LYPLAL1: variants seen among roughly 807,000 people sequenced by gnomAD.
LYPLAL1 encodes the protein lysophospholipase-like protein 1.
Under a neutral mutation model 19.7 loss-of-function variants are expected in LYPLAL1, and 23 were observed. The observed-to-expected ratio is 1.17, with a 90% confidence interval of 0.84 to 1.65. LYPLAL1 has a LOEUF of 1.65. Ranked by LOEUF, LYPLAL1 falls within the 40% of genes most tolerant of loss-of-function variation. The probability of loss-of-function intolerance (pLI) is 0.00; values close to 1 mark genes in which losing one functional copy is unlikely to be tolerated. For synonymous variants in LYPLAL1, 119 were observed against 96.3 expected, an observed-to-expected ratio of 1.24 and a Z score of -1.38; for missense variants, 355 against 279.4, an observed-to-expected ratio of 1.27 and a Z score of -1.93.
the LYPLAL1 span, among the ~76,000 whole-genome samples, chr1:219,433,340 T>C: frequency 1.3e-5 from 2 of 152,174 alleles, no homozygotes; most frequent in African/African-American, 4.8e-5. Context: ...AACATTGAAG[T>C]ATACATCTTT....
At position 219,211,617 on chromosome 1, in the gene LYPLAL1, G is replaced by T. The variant is rs746135927; in HGVS notation, c.603G>T (p.Thr201=). The T allele has an allele frequency of 1.9e-6, 3 of 1,613,374 alleles. No individual in the cohort carries two copies. The highest frequency in any genetic ancestry group is 1.7e-4 in the Middle Eastern group (1 of 6,054). ...NSMLKSLGVT[T]KFHSFPNVYH... is the part of the protein sequence containing the mutation. ...TGTTAAAATCTCTAGGAGTGACCAC[G>T]AAGTTTCATAGTTTTCCAAATGTTT... The change falls in exon 5 of 5, where the codon ACG becomes ACT. Residue 201 remains threonine (T), a synonymous_variant. Transcript: ENST00000366928.
the LYPLAL1 span, among the ~76,000 whole-genome samples, chr1:219,430,946 G>A: frequency 6.6e-6 from 1 of 151,342 alleles, no homozygotes; most frequent in Non-Finnish European, 1.5e-5. Flanking sequence ...CGAAGTGTGG[G>A]GATTACAGAC....
At chr1:219,343,826 T>C in the LYPLAL1 span, among the ~76,000 whole-genome samples, 1 of 152,002 alleles carries the variant, frequency 6.6e-6, no homozygotes, top group Non-Finnish European at 1.5e-5. Context: ...TCCTTCTCTC[T>C]GGACTTTGCC....
At chr1:219,420,844 C>T in the LYPLAL1 span, among the ~76,000 whole-genome samples, 1 of 152,104 alleles carries the variant, frequency 6.6e-6, no homozygotes, top group Admixed American at 6.6e-5. Context: ...TTCTAAGCTT[C>T]AGGGATTACT....
In LYPLAL1 at chr1:219,211,562, T is replaced by C. The variant is rs760367987; in HGVS notation, c.548T>C (p.Leu183Pro). ...QCHGTADELV[L>P]HSWAEETNSM... ...CATGGTACTGCAGATGAGTTAGTTC[T>C]TCATTCTTGGGCAGAAGAGACAAAC... The change falls in exon 5 of 5, where the codon CTT (leucine) becomes CCT (proline). Residue 183 changes from leucine to proline, a missense_variant. By Grantham distance (98) the Leu-to-Pro change is moderately conservative (BLOSUM62 -3). Transcript: ENST00000366928. The C allele has an allele frequency of 3.7e-6, 6 of 1,613,396 alleles. No homozygotes were observed. Among genetic ancestry groups the C allele is most frequent in the Non-Finnish European group, 1.7e-6 (2 of 1,179,488 alleles).
the LYPLAL1 span, among the ~76,000 whole-genome samples, chr1:219,237,601 T>G: frequency 6.6e-6 from 1 of 152,198 alleles, no homozygotes; most frequent in Non-Finnish European, 1.5e-5. Context: ...TAAAGAACTT[T>G]CTACTTTTCT....
chr1:219,277,065 A>G, the LYPLAL1 span, among the ~76,000 whole-genome samples: 1 of 152,222 alleles, frequency 6.6e-6, no homozygotes, highest in Non-Finnish European at 1.5e-5. Flanking sequence ...AGTAGATATC[A>G]GAGGTCTGGC....
chr1:219,383,172 C>A, the LYPLAL1 span, among the ~76,000 whole-genome samples: 155 of 152,292 alleles, frequency 1.0e-3, 1 homozygote, highest in African/African-American at 3.5e-3. Flanking sequence ...CTAGGAAAGT[C>A]TTGAATTACA....
the LYPLAL1 span, among the ~76,000 whole-genome samples, chr1:219,360,456 T>A: frequency 6.6e-6 from 1 of 152,176 alleles, no homozygotes; most frequent in Admixed American, 6.6e-5. Flanking sequence ...TTGACAAAGA[T>A]CTGCCTCCCA....
At chr1:219,284,019 T>C in the LYPLAL1 span, among the ~76,000 whole-genome samples, 3 of 152,296 alleles carry the variant, frequency 2.0e-5, no homozygotes, top group South Asian at 6.2e-4. Context: ...GATTGAATCA[T>C]GGGGATGGTT....
At chr1:219,387,053 A>G in the LYPLAL1 span, among the ~76,000 whole-genome samples, 11 of 152,200 alleles carry the variant, frequency 7.2e-5, no homozygotes, top group South Asian at 2.1e-4. Context: ...AAATTTCCAT[A>G]TTCTTTTTAT....
chr1:219,366,469 G>C, the LYPLAL1 span, among the ~76,000 whole-genome samples: 1 of 152,148 alleles, frequency 6.6e-6, no homozygotes, highest in African/African-American at 2.4e-5. Flanking sequence ...TGTATTCCTT[G>C]CTCGTGTGAC....
the LYPLAL1 span, among the ~76,000 whole-genome samples, chr1:219,352,708 G>T: frequency 6.6e-6 from 1 of 152,082 alleles, no homozygotes; most frequent in Non-Finnish European, 1.5e-5. Flanking sequence ...AATTTCTGCT[G>T]AACAATAAGC....
chr1:219,183,922 G>C (rs1656504484), intron 2 of LYPLAL1, among the ~76,000 whole-genome samples: 2 of 151,832 alleles, frequency 1.3e-5, no homozygotes, highest in South Asian at 4.1e-4. Context: ...AGCATAATTT[G>C]AATTCTTATC....
At chr1:219,251,548 G>T in the LYPLAL1 span, among the ~76,000 whole-genome samples, 2 of 116,278 alleles carry the variant, frequency 1.7e-5, no homozygotes, top group African/African-American at 2.9e-5. Flanking sequence ...TTTCCCCACT[G>T]ATTTTTTTTT....
At chr1:219,419,786 G>A in the LYPLAL1 span, among the ~76,000 whole-genome samples, 1 of 152,106 alleles carries the variant, frequency 6.6e-6, no homozygotes, top group East Asian at 1.9e-4. Flanking sequence ...ACCAACAATA[G>A]CAGATTAAGG....
the LYPLAL1 span, among the ~76,000 whole-genome samples, chr1:219,375,129 A>G: frequency 6.6e-6 from 1 of 152,210 alleles, no homozygotes; most frequent in African/African-American, 2.4e-5. Context: ...GAAGGGACAA[A>G]GCACAGGGAA....
At chr1:219,275,444 A>G in the LYPLAL1 span, among the ~76,000 whole-genome samples, 1 of 152,128 alleles carries the variant, frequency 6.6e-6, no homozygotes, top group East Asian at 1.9e-4. Context: ...AGACATTCAT[A>G]ATTTTCTATA....
At chr1:219,435,991 T>C in the LYPLAL1 span, among the ~76,000 whole-genome samples, 1 of 152,172 alleles carries the variant, frequency 6.6e-6, no homozygotes, top group Non-Finnish European at 1.5e-5. Context: ...CCAATCCTTG[T>C]CTATACTCCT....
Sources: gnomAD v4.1 joint callset for allele counts (sites outside exome capture counted in the v4.1 genomes callset) on GRCh38, gnomAD v4.1.1 for gene constraint, MANE v1.5 for transcripts, NCBI Gene and HGNC (gene_info 2026-07-23, HGNC 2026-07-21) for gene names.